ABCA5: variants seen among roughly 807,000 people sequenced by gnomAD.
ABCA5 encodes cholesterol transporter ABCA5.
In ABCA5, 163 loss-of-function variants were observed where a neutral mutation model predicts 206.0. The observed-to-expected ratio is 0.79, with a 90% CI of 0.70 to 0.90. ABCA5 has a LOEUF of 0.90. Ranked by LOEUF, ABCA5 falls within the 40% of genes least tolerant of loss-of-function variation. The pLI is 0.00. For missense variants in ABCA5, 1,859 were observed against 1,912.9 expected (o/e 0.97, Z 0.53); for synonymous variants, 609 against 613.8 (o/e 0.99, Z 0.11).
At chr17:69,263,842 G>A (rs181397489) in intron 24 of ABCA5, among the ~76,000 whole-genome samples, 10 of 151,844 alleles carry the variant, frequency 6.6e-5, no homozygotes, top group Non-Finnish European at 8.8e-5. Context: ...GACTACAGGC[G>A]CATGCCACCA....
At chr17:69,305,987 T>C (rs1173995805) in intron 6 of ABCA5, among the ~76,000 whole-genome samples, 2 of 152,196 alleles carry the variant, frequency 1.3e-5, no homozygotes, top group Admixed American at 6.6e-5. Context: ...AATTGTTACA[T>C]TGGGCTAATT....
At chr17:69,272,230 A>G (rs1044280949) in intron 20 of ABCA5, among the ~76,000 whole-genome samples, 1 of 152,124 alleles carries the variant, frequency 6.6e-6, no homozygotes, top group East Asian at 1.9e-4. Flanking sequence ...CCCTGAGAAG[A>G]GAGACACATT....
chr17:69,262,408 C>A (rs1303488207), intron 24 of ABCA5, among the ~76,000 whole-genome samples: 1 of 152,018 alleles, frequency 6.6e-6, no homozygotes, highest in Non-Finnish European at 1.5e-5. Flanking sequence ...TCTAGTAGTG[C>A]CCAGTGTCTA....
rs1017887573 is a variant in ABCA5 at position 69,248,495 on chromosome 17, C to T, written c.4766-178G>A. 5 of 488,654 alleles carry T rather than the reference C, an allele frequency of 1.0e-5. No homozygotes were observed. In the South Asian group the frequency reaches 1.3e-4, roughly 13 times the overall value. The allele number at this position is 488,654 out of a possible 1,614,324, so 30.3% of individuals were successfully genotyped here. On this transcript the variant is annotated intron_variant, in intron 37 of 38. Transcript: ENST00000392676. ...TTTCTCTTCCCCACACCTATAATTCCTCTATAGCCCTAAGTACTGTATGTT... is the reference window on the plus strand; with the variant it reads ...TTTCTCTTCCCCACACCTATAATTCTTCTATAGCCCTAAGTACTGTATGTT...
At chr17:69,260,784 T>C (rs12943504) in intron 26 of ABCA5, among the ~76,000 whole-genome samples, 62,567 of 151,636 alleles carry the variant, frequency 0.41, 13,405 homozygotes, top group Middle Eastern at 0.52. Context: ...TTGGAGAAAA[T>C]CTCTTACACT....
chr17:69,294,991 A>C (rs1044150011), intron 10 of ABCA5, among the ~76,000 whole-genome samples: 1 of 152,164 alleles, frequency 6.6e-6, no homozygotes, highest in Non-Finnish European at 1.5e-5. Flanking sequence ...ATAGCCTACT[A>C]TTGATAAGAA....
At chr17:69,254,566 A>G in intron 31 of ABCA5, 76 bp from the exon 32 acceptor site, 1 of 1,149,620 alleles carries the variant, frequency 8.7e-7, no homozygotes, top group Admixed American at 2.4e-5. Flanking sequence ...CATTAATTAA[A>G]ACCCCTTCCT....
At chr17:69,304,594 C>G (rs2075697242) in intron 7 of ABCA5, 75 bp downstream of exon 7, 1 of 1,270,076 alleles carries the variant, frequency 7.9e-7, no homozygotes, top group Middle Eastern at 2.9e-4. Flanking sequence ...TATAAGTAAA[C>G]TGAAGAAAAA....
chr17:69,254,820 G>A (rs1423306779), intron 31 of ABCA5, among the ~76,000 whole-genome samples: 2 of 152,000 alleles, frequency 1.3e-5, no homozygotes, highest in African/African-American at 2.4e-5. Flanking sequence ...CACTGCACCC[G>A]CCCAGATGTT....
chr17:69,246,065 C>T lies in ABCA5; in HGVS notation c.*1472G>A, dbSNP rs988599586. 6.6e-6 allele frequency: 1 copy of T among 151,838 alleles called. No individual in the cohort carries two copies. Among genetic ancestry groups the T allele is most frequent in the South Asian group, 2.1e-4 (1 of 4,810 alleles). The allele number at this position is 151,838 out of a possible 1,614,324, so 9.4% of individuals were successfully genotyped here. ...TTAGGAAAGTGTATAGCAACTGCCC[C>T]CAGCAATGGGGGAAAATATCAGCCA... On this transcript the variant is annotated 3_prime_UTR_variant, in exon 39 of 39. Transcript: ENST00000392676.
Position 69,289,205 on chromosome 17 carries a change from A to T in ABCA5, c.1874T>A (p.Leu625Ter). ...TGGGTTCCCAAGAACAGCAATTCCTAATGACAGCTTTCTTTTTTGACCACC... is the reference window on the plus strand; with the variant it reads ...TGGGTTCCCAAGAACAGCAATTCCTTATGACAGCTTTCTTTTTTGACCACC... ...LSGGQKRKLS[L>*]GIAVLGNPKI... Residue 625 changes from leucine (L) to a stop codon, truncating the protein, a stop_gained, in exon 14 of 39, where the codon TTA becomes TAA. Coordinates refer to ENST00000392676, the MANE Select transcript of ABCA5 (RefSeq NM_172232.4). LOFTEE classifies it high-confidence loss of function. 6.2e-7 allele frequency: 1 copy of T among 1,608,972 alleles called. No individual in the cohort carries two copies. The highest frequency in any genetic ancestry group is 8.5e-7 in the Non-Finnish European group (1 of 1,177,918).
At chr17:69,293,403 T>C (rs62080888) in intron 11 of ABCA5, among the ~76,000 whole-genome samples, 15,154 of 152,098 alleles carry the variant, frequency 0.1, 950 homozygotes, top group Non-Finnish European at 0.14. Flanking sequence ...ACTCCTTCTC[T>C]CTTTGGTGAT....
chr17:69,303,933 C>T (rs2075688998), intron 7 of ABCA5, among the ~76,000 whole-genome samples: 1 of 145,234 alleles, frequency 6.9e-6, no homozygotes, highest in South Asian at 2.2e-4. Context: ...GTAGTCCCAG[C>T]TACTCAGGAG....
At chr17:69,255,986 T>C (rs2059831294) in intron 29 of ABCA5, 136 bp from the exon 30 acceptor site, 4 of 1,132,176 alleles carry the variant, frequency 3.5e-6, no homozygotes, top group Non-Finnish European at 4.9e-6. Context: ...TATCCATTTA[T>C]GACTGAAATT....
chr17:69,285,870 A>G, intron 17 of ABCA5, 28 bp downstream of exon 17: 2 of 1,588,164 alleles, frequency 1.3e-6, no homozygotes, highest in Non-Finnish European at 1.7e-6. Flanking sequence ...CCCAGTTCAA[A>G]CACCAAGAGA....
chr17:69,247,836 AAT>A (rs2074969061), intron 38 of ABCA5, among the ~76,000 whole-genome samples, 192 bp from the exon 39 acceptor site: 1 of 152,088 alleles, frequency 6.6e-6, no homozygotes, highest in Non-Finnish European at 1.5e-5. Flanking sequence ...ATTTTAGATT[AAT>A]AGATATGTTT....
rs7225907 is a variant in ABCA5 at position 69,314,534 on chromosome 17, G to T, written c.-15-104C>A. On this transcript the variant is annotated intron_variant, in intron 1 of 38. Transcript: ENST00000392676. ...AGCTGTTTCAGTCCCAGGTAAGATG[G>T]ATTAAGCATACTCCAAGCTGTCTCT... The T allele has an allele frequency of 4.6e-4, 304 of 660,322 alleles. 3 individuals are homozygous for T. In the African/African-American group the frequency reaches 4.9e-3, roughly 11 times the overall value. 40.9% of individuals were successfully genotyped at this position (660,322 alleles called of 1,614,324 possible). A position where few individuals can be genotyped will look rare whatever the true frequency, so the allele number is the denominator to read the frequency against.
chr17:69,254,806 G>A (rs181425526), intron 31 of ABCA5, among the ~76,000 whole-genome samples: 1 of 152,228 alleles, frequency 6.6e-6, no homozygotes, highest in Admixed American at 6.5e-5. Flanking sequence ...TTACAGGAAT[G>A]AGCCACTGCA....
In ABCA5 at chr17:69,294,656, T is replaced by G. The variant is rs1329012849; in HGVS notation, c.1494A>C (p.Arg498Ser). The G allele has an allele frequency of 5.0e-6, 8 of 1,603,180 alleles. No individual in the cohort carries two copies. Among genetic ancestry groups the G allele is most frequent in the Non-Finnish European group, 6.0e-6 (7 of 1,171,848 alleles). Reference sequence around the variant, plus strand: ...CTGAATACTAGGAAAACTACTTACTTCTCAAAGCCTCCACATTTTCACCCT... The same window carrying G: ...CTGAATACTAGGAAAACTACTTACTGCTCAAAGCCTCCACATTTTCACCCT... ...RKKGENVEAL[R>S]NLSFDIYEGQ... The change falls in exon 11 of 39, where the codon AGA (arginine) becomes AGC (serine). Residue 498 changes from arginine (R) to serine (S), a missense_variant and splice_region_variant. Transcript: ENST00000392676.
Sources: allele counts gnomAD v4.1 joint callset (sites outside exome capture counted in the v4.1 genomes callset), GRCh38; gene constraint gnomAD v4.1.1; transcripts MANE v1.5; gene names NCBI Gene and HGNC (gene_info 2026-07-23, HGNC 2026-07-21).